CABCOCO1: variants seen among roughly 807,000 people sequenced by gnomAD.
The protein encoded by CABCOCO1 is ciliary associated calcium binding coiled-coil 1, also known as ciliary-associated calcium-binding coiled-coil protein 1.
CABCOCO1 carries 28 observed loss-of-function variants against 35.7 expected under a neutral mutation model. The ratio of observed to expected loss-of-function variants is 0.78; its 90% CI spans 0.58 to 1.07. The LOEUF is 1.07. Ranked by LOEUF, CABCOCO1 falls within the 50% of genes least tolerant of loss-of-function variation. The probability of loss-of-function intolerance (pLI) is 0.00; values close to 1 mark genes in which losing one functional copy is unlikely to be tolerated. For synonymous variants in CABCOCO1, 95 were observed against 100.1 expected (o/e 0.95, Z 0.30); for missense variants, 326 against 309.2 (o/e 1.05, Z -0.41).
chr10:61,729,611 T>G (rs906083419), intron 5 of CABCOCO1, among the ~76,000 whole-genome samples: 1 of 152,178 alleles, frequency 6.6e-6, no homozygotes, highest in Admixed American at 6.6e-5. Context: ...ATCCCACTTC[T>G]TAGTATTTAT....
chr10:61,729,079 T>C (rs144465180), intron 5 of CABCOCO1, among the ~76,000 whole-genome samples: 155 of 152,282 alleles, frequency 1.0e-3, no homozygotes, highest in Non-Finnish European at 1.9e-3. Flanking sequence ...GTTACACATA[T>C]CAGTGTGAAC....
At chr10:61,682,624 C>A (rs1839829042) in intron 3 of CABCOCO1, among the ~76,000 whole-genome samples, 1 of 152,122 alleles carries the variant, frequency 6.6e-6, no homozygotes, top group African/African-American at 2.4e-5. Flanking sequence ...ATAGCAAATT[C>A]AGGTAACATT....
At position 61,690,587 on chromosome 10, in the gene CABCOCO1, A is replaced by C. The variant is rs374393780; in HGVS notation, c.518A>C (p.Tyr173Ser). 1.9e-6 allele frequency: 3 copies of C among 1,606,730 alleles called. No individual in the cohort carries two copies. The highest frequency in any genetic ancestry group is 2.6e-6 in the Non-Finnish European group (3 of 1,174,402). The change falls in exon 5 of 8, where the codon TAC (tyrosine) becomes TCC (serine). Residue 173 changes from tyrosine (Y) to serine (S), a missense_variant. Tyr to Ser is a moderately radical substitution (Grantham distance 144). Transcript: ENST00000648843. ...TACAAGCTATACGAGTTTATGTTCTACTCTGCCAGGGAAGAAATTGTGATA... is the reference window on the plus strand; with the variant it reads ...TACAAGCTATACGAGTTTATGTTCTCCTCTGCCAGGGAAGAAATTGTGATA... ...QHYKLYEFMF[Y>S]SAREEIVIGT...
At chr10:61,741,088 G>A (rs1343785527) in intron 5 of CABCOCO1, among the ~76,000 whole-genome samples, 1 of 151,948 alleles carries the variant, frequency 6.6e-6, no homozygotes, top group Non-Finnish European at 1.5e-5. Context: ...AGGTTGCAGT[G>A]AGCCAAGATC....
At chr10:61,680,376 A>G (rs1839678848) in intron 2 of CABCOCO1, among the ~76,000 whole-genome samples, 2 of 128,256 alleles carry the variant, frequency 1.6e-5, no homozygotes, top group South Asian at 4.3e-4. Flanking sequence ...TTATATACAT[A>G]TAACATATAA....
At chr10:61,665,903 T>A (rs12245818) in intron 1 of CABCOCO1, among the ~76,000 whole-genome samples, 1,200 of 72,154 alleles carry the variant, frequency 0.017, 17 homozygotes, top group African/African-American at 0.029. Context: ...AAAAAAAAAA[T>A]ATCTAGGGAA....
intron 5 of CABCOCO1, among the ~76,000 whole-genome samples, chr10:61,750,742 G>A (rs1841763334): frequency 1.3e-5 from 2 of 152,294 alleles, no homozygotes; most frequent in South Asian, 4.2e-4. Flanking sequence ...AAGTGTTACC[G>A]TTTTTCAAGA....
intron 5 of CABCOCO1, among the ~76,000 whole-genome samples, chr10:61,738,483 T>A (rs1276471362): frequency 1.3e-5 from 2 of 152,220 alleles, no homozygotes; most frequent in Non-Finnish European, 2.9e-5. Context: ...CACTACTTTA[T>A]ATTGCTTGTA....
At chr10:61,668,882 C>T (rs1340877006) in intron 1 of CABCOCO1, among the ~76,000 whole-genome samples, 12 of 151,606 alleles carry the variant, frequency 7.9e-5, no homozygotes, top group African/African-American at 2.4e-4. Flanking sequence ...AAACCTAAAG[C>T]CCCCAAAAAA....
intron 1 of CABCOCO1, among the ~76,000 whole-genome samples, chr10:61,667,012 T>C (rs942140111): frequency 1.6e-5 from 2 of 124,598 alleles, no homozygotes; most frequent in Non-Finnish European, 3.4e-5. Context: ...AAATTTCATA[T>C]AGTATATATA....
At chr10:61,703,459 G>A (rs188427096) in intron 5 of CABCOCO1, among the ~76,000 whole-genome samples, 13 of 152,076 alleles carry the variant, frequency 8.5e-5, no homozygotes, top group East Asian at 5.8e-4. Flanking sequence ...TTTAAAGAGC[G>A]GAAATCTGAC....
intron 2 of CABCOCO1, among the ~76,000 whole-genome samples, chr10:61,676,595 A>T (rs1564530588): frequency 6.6e-6 from 1 of 152,162 alleles, no homozygotes; most frequent in Non-Finnish European, 1.5e-5. Context: ...TCACAAGAAA[A>T]TTGCTTTAAG....
At chr10:61,664,632 C>T (rs1839108941) in intron 1 of CABCOCO1, among the ~76,000 whole-genome samples, 1 of 152,132 alleles carries the variant, frequency 6.6e-6, no homozygotes, top group Admixed American at 6.5e-5. Context: ...CAGAAGAAAT[C>T]AAGTTGTAAC....
At chr10:61,679,870 G>C (rs1162344450) in intron 2 of CABCOCO1, among the ~76,000 whole-genome samples, 1 of 151,792 alleles carries the variant, frequency 6.6e-6, no homozygotes, top group African/African-American at 2.4e-5. Flanking sequence ...AGATATAAAA[G>C]CTCAAGGAAG....
At chr10:61,755,256 T>A (rs1315950678) in intron 5 of CABCOCO1, among the ~76,000 whole-genome samples, 2 of 152,154 alleles carry the variant, frequency 1.3e-5, no homozygotes, top group Non-Finnish European at 2.9e-5. Context: ...TGTTGCTACT[T>A]TATGTGCCAT....
At chr10:61,717,467 T>C (rs953957588) in intron 5 of CABCOCO1, among the ~76,000 whole-genome samples, 1 of 152,078 alleles carries the variant, frequency 6.6e-6, no homozygotes, top group African/African-American at 2.4e-5. Flanking sequence ...TAATAATGAC[T>C]TAGTTTTTAA....
At chr10:61,726,709 C>A (rs536762881) in intron 5 of CABCOCO1, among the ~76,000 whole-genome samples, 9 of 151,716 alleles carry the variant, frequency 5.9e-5, no homozygotes, top group African/African-American at 2.2e-4. Flanking sequence ...TATGATGGCC[C>A]AGAACTGGAT....
intron 2 of CABCOCO1, among the ~76,000 whole-genome samples, chr10:61,673,644 C>G (rs1839426253): frequency 6.6e-6 from 1 of 152,108 alleles, no homozygotes; most frequent in South Asian, 2.1e-4. Flanking sequence ...AAGAAAAATC[C>G]GAGAAGGGAA....
rs531540131 is a variant in CABCOCO1 at position 61,725,500 on chromosome 10, A to T, written c.553-34559A>T. Among the ~76,000 whole-genome samples, 6 of 152,088 alleles carry T rather than the reference A, an allele frequency of 3.9e-5. No individual in the cohort carries two copies. The East Asian group carries it at 9.7e-4, about 24-fold the overall frequency. ...TAGAAACCATCATTCTGAGCAAACTATCAGAAGGACAGAAAACCAAACACC... is the reference window on the plus strand; with the variant it reads ...TAGAAACCATCATTCTGAGCAAACTTTCAGAAGGACAGAAAACCAAACACC... On this transcript the variant is annotated intron_variant, in intron 5 of 7. Transcript: ENST00000648843.
Sources: allele counts gnomAD v4.1 joint callset (sites outside exome capture counted in the v4.1 genomes callset), GRCh38; gene constraint gnomAD v4.1.1; transcripts MANE v1.5; gene names NCBI Gene and HGNC (gene_info 2026-07-23, HGNC 2026-07-21).